Variants in FBXO4 observed in about 807,000 individuals in gnomAD.
The protein encoded by FBXO4 is F-box protein 4.
A neutral mutation model predicts 43.7 loss-of-function variants in FBXO4; 36 were observed. The observed-to-expected ratio is 0.82, with a 90% CI of 0.63 to 1.09. The LOEUF (loss-of-function observed/expected upper bound fraction) is 1.09. Ranked by LOEUF, FBXO4 falls within the 50% of genes least tolerant of loss-of-function variation. The probability of loss-of-function intolerance (pLI) is 0.00; values close to 1 mark genes in which losing one functional copy is unlikely to be tolerated. For missense variants in FBXO4, 435 were observed against 474.1 expected (o/e 0.92, Z 0.77); for synonymous variants, 180 against 165.6 (o/e 1.09, Z -0.67).
the FBXO4 span, among the ~76,000 whole-genome samples, chr5:41,978,621 C>G: frequency 6.6e-6 from 1 of 152,042 alleles, no homozygotes; most frequent in Admixed American, 6.6e-5. Context: ...TAAACTTCAA[C>G]TGATATTGTT....
At chr5:42,039,930 G>A in the FBXO4 span, among the ~76,000 whole-genome samples, 1 of 152,048 alleles carries the variant, frequency 6.6e-6, no homozygotes, top group African/African-American at 2.4e-5. Flanking sequence ...ATCCTGCCCT[G>A]AGTTCCACAG....
intron 1 of FBXO4, among the ~76,000 whole-genome samples, chr5:41,926,518 A>G (rs1751505562): frequency 6.6e-6 from 1 of 152,212 alleles, no homozygotes; most frequent in Non-Finnish European, 1.5e-5. Flanking sequence ...GCTTGCAGTG[A>G]GCCGAGATCT....
chr5:42,021,101 T>C, the FBXO4 span, among the ~76,000 whole-genome samples: 1 of 152,108 alleles, frequency 6.6e-6, no homozygotes, highest in Admixed American at 6.6e-5. Flanking sequence ...AAGTGGAGTA[T>C]AAGAGTTTTT....
chr5:41,932,842 C>T (rs1751731932), intron 3 of FBXO4, among the ~76,000 whole-genome samples: 1 of 152,082 alleles, frequency 6.6e-6, no homozygotes, highest in African/African-American at 2.4e-5. Flanking sequence ...CATGGAAGCC[C>T]AGAAGGGTCT....
At chr5:42,039,576 C>T in the FBXO4 span, among the ~76,000 whole-genome samples, 1 of 152,074 alleles carries the variant, frequency 6.6e-6, no homozygotes, top group African/African-American at 2.4e-5. Flanking sequence ...CCTATAACCT[C>T]TGGTGACAGA....
chr5:41,965,451 T>C, the FBXO4 span, among the ~76,000 whole-genome samples: 1 of 152,214 alleles, frequency 6.6e-6, no homozygotes, highest in African/African-American at 2.4e-5. Context: ...GGGGATGGCA[T>C]TGAATCTATA....
the FBXO4 span, among the ~76,000 whole-genome samples, chr5:42,008,137 C>T: frequency 6.6e-6 from 1 of 152,082 alleles, no homozygotes; most frequent in Admixed American, 6.6e-5. Context: ...TACTGGGTAA[C>T]ATGCCAATAA....
At chr5:41,941,883 C>T (rs943645563), downstream of FBXO4, 11 of 152,150 alleles carry the variant, frequency 7.2e-5, no homozygotes, top group African/African-American at 2.2e-4. Context: ...TTTCAGATAA[C>T]TTCGCAAGCT....
chr5:41,929,610 T>C, intron 2 of FBXO4, 87 bp from the exon 3 acceptor site: 1 of 926,422 alleles, frequency 1.1e-6, no homozygotes, highest in South Asian at 1.7e-5. Flanking sequence ...CCATTGTGTC[T>C]AGCAAGTACT....
the FBXO4 span, among the ~76,000 whole-genome samples, chr5:41,955,203 T>C: frequency 2.0e-5 from 3 of 152,184 alleles, no homozygotes; most frequent in Non-Finnish European, 4.4e-5. Flanking sequence ...ATTCGTACCT[T>C]TTATTTATAT....
the FBXO4 span, among the ~76,000 whole-genome samples, chr5:42,007,602 G>C: frequency 6.6e-6 from 1 of 152,094 alleles, no homozygotes; most frequent in Non-Finnish European, 1.5e-5. Context: ...CTTAATCTCT[G>C]TAGCTTTCAC....
intron 3 of FBXO4, among the ~76,000 whole-genome samples, chr5:41,933,427 A>G (rs1347288019): frequency 1.3e-5 from 2 of 152,078 alleles, no homozygotes; most frequent in African/African-American, 4.8e-5. Context: ...TATGTTGTCT[A>G]GGTTGGTCTT....
At chr5:41,939,737 T>A in intron 6 of FBXO4, 121 bp downstream of exon 6, 1 of 748,626 alleles carries the variant, frequency 1.3e-6, no homozygotes, top group Non-Finnish European at 2.0e-6. Flanking sequence ...TTTAATAGCT[T>A]AATCTATGGA....
the FBXO4 span, among the ~76,000 whole-genome samples, chr5:42,021,186 G>A: frequency 2.6e-5 from 4 of 152,110 alleles, no homozygotes; most frequent in Non-Finnish European, 4.4e-5. Context: ...GATTAAAATC[G>A]GATAAGAGTT....
At chr5:41,935,503 T>C (rs1156883241) in intron 5 of FBXO4, among the ~76,000 whole-genome samples, 7 of 152,208 alleles carry the variant, frequency 4.6e-5, no homozygotes, top group African/African-American at 1.4e-4. Flanking sequence ...AAAAGCTGTC[T>C]TAGGGGAGGA....
At chr5:41,947,205 G>C in the FBXO4 span, among the ~76,000 whole-genome samples, 1 of 152,202 alleles carries the variant, frequency 6.6e-6, no homozygotes, top group African/African-American at 2.4e-5. Flanking sequence ...TGGAATATTT[G>C]AGGTACAAAG....
the FBXO4 span, among the ~76,000 whole-genome samples, chr5:41,962,234 C>G: frequency 6.6e-6 from 1 of 152,156 alleles, no homozygotes; most frequent in African/African-American, 2.4e-5. Context: ...GGGATCTGTG[C>G]CTTCGTTTTA....
Position 41,925,324 on chromosome 5 carries a change from G to A in FBXO4, c.15G>A (p.Glu5=), listed in dbSNP as rs1034927120. Residue 5 remains glutamate (E), a synonymous_variant, in exon 1 of 7, where the codon GAG becomes GAA. Coordinates refer to ENST00000281623, the MANE Select transcript of FBXO4 (RefSeq NM_012176.3). The stretch of plus-strand genomic sequence containing the variant: ...GCGGGCAAGCCATGGCGGGAAGCGA[G>A]CCGCGCAGCGGAACAAACTCGCCGC... MAGS[E]PRSGTNSPPP... 3.6e-5 allele frequency: 48 copies of A among 1,344,310 alleles called. No homozygotes were observed. In the Middle Eastern group the frequency reaches 8.4e-4, roughly 24 times the overall value. 83.3% of individuals were successfully genotyped at this position (1,344,310 alleles called of 1,614,324 possible).
chr5:41,978,619 A>G, the FBXO4 span, among the ~76,000 whole-genome samples: 1 of 152,146 alleles, frequency 6.6e-6, no homozygotes, highest in African/African-American at 2.4e-5. Flanking sequence ...ACTAAACTTC[A>G]ACTGATATTG....
Sources: allele counts gnomAD v4.1 joint callset (sites outside exome capture counted in the v4.1 genomes callset), GRCh38; gene constraint gnomAD v4.1.1; transcripts MANE v1.5; gene names NCBI Gene and HGNC (gene_info 2026-07-23, HGNC 2026-07-21).